ELAVL4: variants seen among roughly 807,000 people sequenced by gnomAD.
ELAVL4 encodes the protein ELAV like RNA binding protein 4.
ELAVL4 carries 1 observed loss-of-function variant against 35.6 expected under a neutral mutation model. The observed-to-expected ratio is 0.03, with a 90% CI of 0.01 to 0.13. The LOEUF is 0.13. Among genes scored for constraint, ELAVL4 ranks in the 10% least tolerant of loss-of-function variants. The pLI is 1.00. For synonymous variants in ELAVL4, 156 were observed against 171.0 expected, an observed-to-expected ratio of 0.91 and a Z score of 0.69; for missense variants, 267 against 464.9, an observed-to-expected ratio of 0.57 and a Z score of 3.91.
At chr1:50,186,627 CATAGAA>C (rs143811792) in intron 3 of ELAVL4, among the ~76,000 whole-genome samples, 6,028 of 152,152 alleles carry the variant, frequency 0.04, 162 homozygotes, top group African/African-American at 0.08. Context: ...AAAACAAAGA[CATAGAA>C]ATAGAAATTT....
At chr1:50,082,753 A>G (rs1665066467) in intron 1 of ELAVL4, among the ~76,000 whole-genome samples, 1 of 152,158 alleles carries the variant, frequency 6.6e-6, no homozygotes, top group Non-Finnish European at 1.5e-5. Context: ...ATTTCCATAC[A>G]TGAGATTGCT....
At chr1:50,052,976 C>A (rs1340824182) in intron 1 of ELAVL4, among the ~76,000 whole-genome samples, 3 of 152,192 alleles carry the variant, frequency 2.0e-5, no homozygotes, top group Non-Finnish European at 4.4e-5. Flanking sequence ...GCAACTGCTA[C>A]GGAGTTCCCA....
chr1:50,166,591 T>G (rs185508370), intron 2 of ELAVL4, among the ~76,000 whole-genome samples: 2 of 152,308 alleles, frequency 1.3e-5, no homozygotes, highest in East Asian at 3.9e-4. Context: ...TCATGGTTTT[T>G]TTCCTGGTGG....
intron 1 of ELAVL4, chr1:50,110,094 T>C: frequency 1.7e-6 from 2 of 1,158,104 alleles, no homozygotes; most frequent in Non-Finnish European, 2.5e-6. Context: ...ATCGTTTGTG[T>C]GTGTATGTAT....
upstream of ELAVL4, chr1:50,106,343 C>T (rs755957174): frequency 1.9e-6 from 3 of 1,613,748 alleles, no homozygotes; most frequent in Admixed American, 5.0e-5. Flanking sequence ...TATGAGATTA[C>T]TTCTTTTAAG....
intron 2 of ELAVL4, among the ~76,000 whole-genome samples, chr1:50,172,127 G>GA (rs2148810044): frequency 6.6e-6 from 1 of 152,264 alleles, no homozygotes; most frequent in East Asian, 1.9e-4. Flanking sequence ...TGGCAGTGCA[G>GA]AAATGCTGAG....
intron 1 of ELAVL4, among the ~76,000 whole-genome samples, chr1:50,125,247 A>T (rs990412900): frequency 2.0e-5 from 3 of 152,084 alleles, no homozygotes; most frequent in Non-Finnish European, 4.4e-5. Context: ...TATTTAAAAA[A>T]AAAAAATAAA....
intron 1 of ELAVL4, among the ~76,000 whole-genome samples, chr1:50,143,964 G>A (rs1017463459): frequency 6.6e-6 from 1 of 152,182 alleles, no homozygotes; most frequent in South Asian, 2.1e-4. Flanking sequence ...CTGACTTCAT[G>A]AGCTTAAACT....
rs184193217 is a variant in ELAVL4, at chr1:50,094,478, G to A, written c.18+46296G>A. On this transcript the variant is annotated intron_variant, in intron 1 of 6. Transcript: ENST00000448907. Reference sequence around the variant, plus strand: ...CATTTAAAACTGAAGGTAAAGATACGTTGATGGTAATAATTCAAGACAGGA... The same window carrying A: ...CATTTAAAACTGAAGGTAAAGATACATTGATGGTAATAATTCAAGACAGGA... Among the ~76,000 whole-genome samples the A allele has an allele frequency of 2.9e-3, 435 of 152,246 alleles. 3 individuals carry two copies. Among genetic ancestry groups the A allele is most frequent in the African/African-American group, 1.0e-2 (414 of 41,546 alleles).
rs200235584 is a variant in ELAVL4, at chr1:50,146,238, ATG to A, written c.250+1051_250+1052del. ...TTTTAAATCAGAGAATACATTCTAT[ATG>A]TGTGTGTGTAGATATATACATTCTT... On this transcript the variant is annotated intron_variant, in intron 2 of 6. Coordinates refer to ENST00000371824, the MANE Select transcript of ELAVL4 (RefSeq NM_001144774.3). 3.6e-4 allele frequency among the ~76,000 whole-genome samples: 55 copies of A among 152,122 alleles called. 1 individual carries two copies. The South Asian group carries it at 0.01, about 29-fold the overall frequency.
Position 50,203,114 on chromosome 1 carries a change from T to C in ELAVL4, c.*1936T>C, listed in dbSNP as rs1422964906. On this transcript the variant is annotated 3_prime_UTR_variant, in exon 7 of 7. Coordinates refer to ENST00000371824, the MANE Select transcript of ELAVL4 (RefSeq NM_001144774.3). ...TACTCGCTATGCATAATCTAGTTGA[T>C]AGTTAAATTTGCTATTGCTTTTCTT... The C allele has an allele frequency of 1.3e-5, 2 of 152,342 alleles. No homozygotes were observed. The highest frequency in any genetic ancestry group is 2.9e-5 in the Non-Finnish European group (2 of 68,010). The allele number at this position is 152,342 out of a possible 1,614,324, so 9.4% of individuals were successfully genotyped here.
intron 1 of ELAVL4, among the ~76,000 whole-genome samples, chr1:50,114,007 C>G (rs982314657): frequency 1.3e-5 from 2 of 151,948 alleles, no homozygotes; most frequent in African/African-American, 4.8e-5. Context: ...TTCATGACTC[C>G]AAGAGTTCTC....
At chr1:50,151,566 A>C (rs1674791605) in intron 2 of ELAVL4, among the ~76,000 whole-genome samples, 1 of 152,232 alleles carries the variant, frequency 6.6e-6, no homozygotes, top group Non-Finnish European at 1.5e-5. Context: ...AGAAAATCCC[A>C]AGATATTGAT....
intron 1 of ELAVL4, among the ~76,000 whole-genome samples, chr1:50,141,299 G>A (rs1672774514): frequency 6.6e-6 from 1 of 152,302 alleles, no homozygotes; most frequent in South Asian, 2.1e-4. Context: ...TGAAAGAAGG[G>A]TAACCTGAAA....
At chr1:50,065,518 A>G (rs2148482123) in intron 1 of ELAVL4, among the ~76,000 whole-genome samples, 1 of 152,320 alleles carries the variant, frequency 6.6e-6, no homozygotes, top group African/African-American at 2.4e-5. Context: ...TATTTACTGC[A>G]TAAATTTATT....
chr1:50,174,259 A>G (rs991360580), intron 2 of ELAVL4: 1 of 152,210 alleles, frequency 6.6e-6, no homozygotes, highest in African/African-American at 2.4e-5. Flanking sequence ...GATGGTGAGA[A>G]GCATGTTAAG....
At chr1:50,099,577 A>AAAG (rs1553167032), upstream of ELAVL4, among the ~76,000 whole-genome samples, 9 of 151,562 alleles carry the variant, frequency 5.9e-5, no homozygotes, top group East Asian at 3.9e-4. Flanking sequence ...AAAAAAAAAA[A>AAAG]AAAGAAAGAA....
At chr1:50,197,524 A>ATTT in intron 6 of ELAVL4, 57 bp downstream of exon 6, 7 of 1,177,704 alleles carry the variant, frequency 5.9e-6, no homozygotes, top group South Asian at 1.8e-5. Context: ...TGGGGCTAGA[A>ATTT]TTTTTTTTTT....
chr1:50,100,785 A>G (rs1215927951), upstream of ELAVL4, among the ~76,000 whole-genome samples: 1 of 152,194 alleles, frequency 6.6e-6, no homozygotes, highest in African/African-American at 2.4e-5. Context: ...TGCAGCAGGC[A>G]CTTTTTTATT....
Sources: allele counts gnomAD v4.1 joint callset (sites outside exome capture counted in the v4.1 genomes callset), GRCh38; gene constraint gnomAD v4.1.1; transcripts MANE v1.5; gene names NCBI Gene and HGNC (gene_info 2026-07-23, HGNC 2026-07-21).